DNAJB6: variants seen among roughly 807,000 people sequenced by gnomAD.
DNAJB6 encodes dnaJ homolog subfamily B member 6.
DNAJB6 carries 16 observed loss-of-function variants against 42.7 expected under a neutral mutation model. That is an observed-to-expected ratio of 0.37 (90% CI 0.25 to 0.57). DNAJB6 has a LOEUF of 0.57. Ranked by LOEUF, DNAJB6 falls within the 20% of genes least tolerant of loss-of-function variation. The pLI, the probability that DNAJB6 is intolerant of heterozygous loss-of-function variation, is 0.74. For missense variants in DNAJB6, 347 were observed against 416.8 expected (o/e 0.83, Z 1.46); for synonymous variants, 170 against 163.5 (o/e 1.04, Z -0.30).
rs928624590 is a variant in DNAJB6 at position 157,391,418 on chromosome 7, C to G, written c.691+5807C>G. On this transcript the variant is annotated intron_variant, in intron 8 of 9. Transcript: ENST00000262177. ...GCTGTTTTCCACGAGTCTTTTCAGC[C>G]GTATCTTTCCGTGTCCATGGGTCAG... is the stretch of plus-strand genomic sequence containing the variant. Among the ~76,000 whole-genome samples the G allele has an allele frequency of 5.9e-5, 9 of 152,346 alleles. No individual in the cohort carries two copies. In the East Asian group the frequency reaches 1.7e-3, roughly 29 times the overall value.
chr7:157,363,091 G>A lies in DNAJB6; in HGVS notation c.66-70G>A, dbSNP rs1010195216. 4.7e-6 allele frequency: 5 copies of A among 1,066,324 alleles called. No homozygotes were observed. In the African/African-American group the frequency reaches 6.3e-5, roughly 13 times the overall value. The allele number at this position is 1,066,324 out of a possible 1,614,324, so 66.1% of individuals were successfully genotyped here. A position where few individuals can be genotyped will look rare whatever the true frequency, so the allele number is the denominator to read the frequency against. On this transcript the variant is annotated intron_variant, in intron 2 of 9. Coordinates refer to ENST00000262177, the MANE Select transcript of DNAJB6 (RefSeq NM_058246.4). The stretch of plus-strand genomic sequence containing the variant: ...CTCTGAAGCCATTCTCGTGGTTAAT[G>A]ATGTTAGTTTCAAAAGCATAGTTGA...
chr7:157,353,939 T>C (rs374134371), intron 1 of DNAJB6, among the ~76,000 whole-genome samples: 10 of 151,518 alleles, frequency 6.6e-5, no homozygotes, highest in South Asian at 2.1e-4. Context: ...GCTGGAATTA[T>C]AGGAGTGAGC....
At chr7:157,347,963 T>G (rs548621056) in intron 1 of DNAJB6, among the ~76,000 whole-genome samples, 1 of 146,198 alleles carries the variant, frequency 6.8e-6, no homozygotes, top group Admixed American at 6.9e-5. Context: ...GCCTAGCTAA[T>G]TTTTGTATTT....
chr7:157,376,354 TG>T (rs199757038), intron 5 of DNAJB6, among the ~76,000 whole-genome samples: 3,310 of 152,320 alleles, frequency 0.022, 100 homozygotes, highest in African/African-American at 0.071. Context: ...CTTAATGCAT[TG>T]GTCTTAGTAT....
chr7:157,357,903 T>C (rs1799390221), intron 1 of DNAJB6, among the ~76,000 whole-genome samples: 1 of 152,164 alleles, frequency 6.6e-6, no homozygotes, highest in African/African-American at 2.4e-5. Flanking sequence ...CTAATTAGTG[T>C]GGTCAACAGG....
rs1305946005 is a variant in DNAJB6, at chr7:157,416,232, C to T, written c.*134C>T. 16 of 1,390,580 alleles carry T rather than the reference C, an allele frequency of 1.2e-5. No individual in the cohort carries two copies. Among genetic ancestry groups the T allele is most frequent in the African/African-American group, 2.9e-5 (2 of 69,868 alleles). 86.1% of individuals were successfully genotyped at this position (1,390,580 alleles called of 1,614,324 possible). On this transcript the variant is annotated 3_prime_UTR_variant, in exon 10 of 10. Transcript: ENST00000262177. ...GCCACACTCGCTCGGCAGGATTATG[C>T]GATCACGGATCAGTCAGAGCAGGGT... is the stretch of plus-strand genomic sequence containing the variant.
At chr7:157,363,138 C>T (rs1440245616) in intron 2 of DNAJB6, 23 bp from the exon 3 acceptor site, 5 of 1,501,536 alleles carry the variant, frequency 3.3e-6, no homozygotes, top group South Asian at 2.4e-5. Flanking sequence ...AGAATGTGAT[C>T]TATATCCTTT....
chr7:157,402,714 C>CAATTT (rs1165924024), intron 8 of DNAJB6, among the ~76,000 whole-genome samples: 1 of 152,160 alleles, frequency 6.6e-6, no homozygotes, highest in African/African-American at 2.4e-5. Context: ...TGGGTGGTCC[C>CAATTT]AATTTAAAAC....
chr7:157,388,420 C>A (rs1346494473), intron 8 of DNAJB6, among the ~76,000 whole-genome samples: 1 of 152,072 alleles, frequency 6.6e-6, no homozygotes, highest in Non-Finnish European at 1.5e-5. Flanking sequence ...GTAAATTCAA[C>A]AGTCTCTTTA....
rs151049199 is a variant in DNAJB6, at chr7:157,368,113, C to G, written c.346+630C>G. Among the ~76,000 whole-genome samples, 649 of 152,090 alleles carry G rather than the reference C, an allele frequency of 4.3e-3. 5 individuals carry two copies. The highest frequency in any genetic ancestry group is 0.015 in the African/African-American group (617 of 41,494). ...TGGGTGACAGAGCAAGGCCCTGTCT[C>G]AAAAAAATAAAACAGCACAGTAGCT... On this transcript the variant is annotated intron_variant, in intron 5 of 9. Coordinates refer to ENST00000262177, the MANE Select transcript of DNAJB6 (RefSeq NM_058246.4).
intron 8 of DNAJB6, among the ~76,000 whole-genome samples, chr7:157,408,125 A>G (rs1795838936): frequency 6.6e-6 from 1 of 152,140 alleles, no homozygotes; most frequent in Admixed American, 6.5e-5. Context: ...TCTCAGCTCA[A>G]CAGTTCCATG....
intron 3 of DNAJB6, among the ~76,000 whole-genome samples, chr7:157,363,640 G>C (rs1357205505): frequency 6.6e-6 from 1 of 152,096 alleles, no homozygotes. Flanking sequence ...ACCCCCACTG[G>C]CTTAAACAAT....
intron 9 of DNAJB6, chr7:157,414,345 G>C (rs1416879976): frequency 6.6e-6 from 1 of 152,232 alleles, no homozygotes; most frequent in African/African-American, 2.4e-5. Context: ...GCCTCCAAGA[G>C]CTGGCTCTGC....
chr7:157,383,123 C>A (rs1800871640), intron 6 of DNAJB6, among the ~76,000 whole-genome samples: 1 of 152,166 alleles, frequency 6.6e-6, no homozygotes, highest in South Asian at 2.1e-4. Flanking sequence ...TCTTGTGCCT[C>A]AGCCTCCTGA....
At chr7:157,410,468 T>A (rs1173594892) in intron 9 of DNAJB6, 1 of 219,088 alleles carries the variant, frequency 4.6e-6, no homozygotes, top group Non-Finnish European at 8.9e-6. Context: ...AAGTCAAGCC[T>A]CCTTGTGAAG....
chr7:157,374,721 G>A (rs1800386585), intron 5 of DNAJB6, among the ~76,000 whole-genome samples: 1 of 152,112 alleles, frequency 6.6e-6, no homozygotes, highest in African/African-American at 2.4e-5. Flanking sequence ...TCCTGGAAAC[G>A]GTCATTTTGA....
intron 1 of DNAJB6, among the ~76,000 whole-genome samples, chr7:157,355,763 A>G (rs1231277169): frequency 6.6e-6 from 1 of 152,178 alleles, no homozygotes; most frequent in East Asian, 1.9e-4. Flanking sequence ...CTTGTAGGGT[A>G]GCCTTCATTT....
intron 2 of DNAJB6, among the ~76,000 whole-genome samples, chr7:157,361,161 GTT>G (rs11334356): frequency 1.6e-3 from 216 of 138,886 alleles, no homozygotes; most frequent in African/African-American, 4.9e-3. Flanking sequence ...ACTGCTACAC[GTT>G]TTTTTTTTTT....
chr7:157,347,185 C>T (rs919710315), intron 1 of DNAJB6, among the ~76,000 whole-genome samples: 3 of 152,114 alleles, frequency 2.0e-5, no homozygotes, highest in African/African-American at 7.2e-5. Context: ...TTCTGTAATG[C>T]GTATTTGTAT....
Sources: allele counts gnomAD v4.1 joint callset (sites outside exome capture counted in the v4.1 genomes callset), GRCh38; gene constraint gnomAD v4.1.1; transcripts MANE v1.5; gene names NCBI Gene and HGNC (gene_info 2026-07-23, HGNC 2026-07-21).